The following FDPS variants were observed in gnomAD, a reference collection of about 807,000 sequenced individuals.
The protein encoded by FDPS is farnesyl diphosphate synthase, also known as farnesyl pyrophosphate synthase.
In FDPS, 29 loss-of-function variants were observed where a neutral mutation model predicts 49.5. That is an observed-to-expected ratio of 0.59 (90% CI 0.44 to 0.80). FDPS has a LOEUF of 0.80. FDPS is among the 30% of genes least tolerant of loss of function. The pLI, the probability that FDPS is intolerant of heterozygous loss-of-function variation, is 0.00. For missense variants in FDPS, 414 were observed against 525.6 expected (o/e 0.79, Z 2.08); for synonymous variants, 172 against 206.4 (o/e 0.83, Z 1.43).
chr1:155,318,779 A>G lies in FDPS; in HGVS notation c.773+26A>G. ...GTGAGGGGAGGTGAGGGACAGCGCG[A>G]ACCATGTCTGGACAGCGAGGGAGGG... On this transcript the variant is annotated intron_variant, in intron 7 of 10. Transcript: ENST00000368356. This position sits in a 1 kb window ranked among gnomAD's most constrained non-coding sequence, Gnocchi z 4.2. The G allele has an allele frequency of 6.2e-7, 1 of 1,600,010 alleles. No individual in the cohort carries two copies. The highest frequency in any genetic ancestry group is 8.6e-7 in the Non-Finnish European group (1 of 1,167,292).
chr1:155,311,442 C>T (rs1189674105), intron 3 of FDPS, among the ~76,000 whole-genome samples: 2 of 152,086 alleles, frequency 1.3e-5, no homozygotes, highest in East Asian at 3.9e-4. Flanking sequence ...CAGCGTGGGT[C>T]CCCTGTAAGC....
chr1:155,311,441 TC>T (rs1486997115), intron 3 of FDPS, among the ~76,000 whole-genome samples: 2 of 152,150 alleles, frequency 1.3e-5, no homozygotes, highest in East Asian at 3.9e-4. Flanking sequence ...ACAGCGTGGG[TC>T]CCCTGTAAGC....
chr1:155,309,947 C>A lies in FDPS; in HGVS notation c.158C>A (p.Ala53Glu). Residue 53 changes from alanine to glutamate, a missense_variant, in exon 2 of 11, where the codon GCG (alanine) becomes GAG (glutamate). Ala to Glu is a moderately radical substitution (Grantham distance 107, BLOSUM62 -1). Coordinates refer to ENST00000368356, the MANE Select transcript of FDPS (RefSeq NM_002004.4). The stretch of plus-strand genomic sequence containing the variant: ...CACAGTGCCCGCTGCTGGTGCCAAG[C>A]GTGGACAGAGGAACCTCGGTGAGTG... ...AWHSARCWCQ[A>E]WTEEPRALCS... 6.2e-7 allele frequency: 1 copy of A among 1,606,634 alleles called. No individual in the cohort carries two copies. Among genetic ancestry groups the A allele is most frequent in the South Asian group, 1.1e-5 (1 of 90,714 alleles).
chr1:155,319,544 G>C, intron 8 of FDPS, 67 bp from the exon 9 acceptor site: 1 of 1,544,684 alleles, frequency 6.5e-7, no homozygotes, highest in Non-Finnish European at 8.9e-7. Flanking sequence ...AGACCCCATG[G>C]GAGGAAGCAG....
chr1:155,317,166 G>A (rs1029020238), intron 4 of FDPS: 1 of 152,098 alleles, frequency 6.6e-6, no homozygotes, highest in Non-Finnish European at 1.5e-5. Context: ...TTTAGGTAAG[G>A]CTGTGTTCCT....
rs766056001 is a variant in FDPS, at chr1:155,318,357, G to A, written c.684+66G>A. The A allele has an allele frequency of 1.3e-5, 21 of 1,583,872 alleles. No homozygotes were observed. Among genetic ancestry groups the A allele is most frequent in the Admixed American group, 3.4e-5 (2 of 59,518 alleles). On this transcript the variant is annotated intron_variant, in intron 6 of 10. Coordinates refer to ENST00000368356, the MANE Select transcript of FDPS (RefSeq NM_002004.4). This position sits in a 1 kb window ranked among gnomAD's most constrained non-coding sequence, Gnocchi z 4.2. ...GGTAGCCTTGGCCTCTATAGGACAT[G>A]CTCATCTAGCTGGTTTCAGGGTACA... is the stretch of plus-strand genomic sequence containing the variant.
intron 8 of FDPS, 31 bp from the exon 9 acceptor site, chr1:155,319,580 G>A: frequency 6.2e-7 from 1 of 1,612,740 alleles, no homozygotes; most frequent in Non-Finnish European, 8.5e-7. Context: ...CACCCCTGGG[G>A]TTTGGCTTAT....
Position 155,318,490 on chromosome 1 carries a change from G to A in FDPS, c.685-175G>A, listed in dbSNP as rs924941531. 7 of 812,282 alleles carry A rather than the reference G, an allele frequency of 8.6e-6. No homozygotes were observed. Among genetic ancestry groups the A allele is most frequent in the African/African-American group, 5.2e-5 (3 of 57,606 alleles). 50.3% of individuals were successfully genotyped at this position (812,282 alleles called of 1,614,324 possible). On this transcript the variant is annotated intron_variant, in intron 6 of 10. Coordinates refer to ENST00000368356, the MANE Select transcript of FDPS (RefSeq NM_002004.4). The surrounding 1 kb of genome is among the most constrained non-coding windows in gnomAD (Gnocchi z 4.2). Reference sequence around the variant, plus strand: ...TCTGTCCTGTGTAATTGGAAGAAAGGGTGATAAAGGACTGTGTGTATGAAT... The same window carrying A: ...TCTGTCCTGTGTAATTGGAAGAAAGAGTGATAAAGGACTGTGTGTATGAAT...
intron 3 of FDPS, 103 bp downstream of exon 3, chr1:155,310,308 G>A (rs1648659744): frequency 1.0e-5 from 9 of 897,292 alleles, no homozygotes; most frequent in South Asian, 9.8e-5. Context: ...AGATGTGAGA[G>A]AAAGCTTTTT....
At chr1:155,319,511 A>T (rs1649986931) in intron 8 of FDPS, 100 bp from the exon 9 acceptor site, 1 of 1,202,728 alleles carries the variant, frequency 8.3e-7, no homozygotes, top group Admixed American at 1.9e-5. Flanking sequence ...GAGAGAGGAA[A>T]GATTTGGGGC....
At chr1:155,319,116 G>A (rs1310044146) in intron 8 of FDPS, among the ~76,000 whole-genome samples, 188 bp downstream of exon 8, 1 of 152,192 alleles carries the variant, frequency 6.6e-6, no homozygotes, top group Non-Finnish European at 1.5e-5. Flanking sequence ...TAAAGATTAA[G>A]CAAGGCAAGG....
intron 1 of FDPS, 163 bp from the exon 2 acceptor site, chr1:155,309,626 C>A: frequency 1.7e-6 from 1 of 587,236 alleles, no homozygotes; most frequent in South Asian, 3.1e-5. Context: ...TTGTTCCCTG[C>A]GTATCCTTCC....
chr1:155,320,284 T>C lies in FDPS; in HGVS notation c.1060-125T>C, dbSNP rs1650187653. The stretch of plus-strand genomic sequence containing the variant: ...TTAGCTACGTAGAGACACTTGAAAA[T>C]TGGAGGGAGGAAAGGAGTGGGTGGC... On this transcript the variant is annotated intron_variant, in intron 10 of 10. Coordinates refer to ENST00000368356, the MANE Select transcript of FDPS (RefSeq NM_002004.4). 4 of 804,608 alleles carry C rather than the reference T, an allele frequency of 5.0e-6. No homozygotes were observed. The Admixed American group carries it at 7.2e-5, about 15-fold the overall frequency. 49.8% of individuals were successfully genotyped at this position (804,608 alleles called of 1,614,324 possible). A position where few individuals can be genotyped will look rare whatever the true frequency, so the allele number is the denominator to read the frequency against.
chr1:155,317,697 T>A (rs1324037822), intron 4 of FDPS: 6 of 339,470 alleles, frequency 1.8e-5, no homozygotes, highest in South Asian at 1.2e-4. Flanking sequence ...AAAAAAAAAA[T>A]AGCCAGGCAT....
rs775764683 is a variant in FDPS at position 155,310,071 on chromosome 1, G to A, written c.205G>A (p.Gly69Arg). Residue 69 changes from glycine (G) to arginine (R), a missense_variant, in exon 3 of 11, where the codon GGA becomes AGA. Transcript: ENST00000368356. ...CCTTTGCTCCTCCCTCAGAATGAAC[G>A]GAGACCAGAATTCAGATGTTTATGC... is the stretch of plus-strand genomic sequence containing the variant. ...RALCSSLRMN[G>R]DQNSDVYAQE... 9.9e-6 allele frequency: 16 copies of A among 1,613,720 alleles called. No individual in the cohort carries two copies. The East Asian group carries it at 2.2e-4, about 22-fold the overall frequency.
chr1:155,314,346 T>G (rs1049298814), intron 4 of FDPS, among the ~76,000 whole-genome samples: 3 of 150,818 alleles, frequency 2.0e-5, no homozygotes, highest in African/African-American at 7.3e-5. Flanking sequence ...GAGCCTCTAC[T>G]TGGCTTTTTT....
Position 155,319,960 on chromosome 1 carries a change from T to C in FDPS, c.1059+32T>C, listed in dbSNP as rs760369267. The stretch of plus-strand genomic sequence containing the variant: ...GAGAGAGGGTGGTGGGTCCCTGAGT[T>C]GGTGGAAAGGGATAGAGCAGTGGTT... On this transcript the variant is annotated intron_variant, in intron 10 of 10. Transcript: ENST00000368356. 14 of 1,610,940 alleles carry C rather than the reference T, an allele frequency of 8.7e-6. No homozygotes were observed. The Admixed American group carries it at 1.2e-4, about 13-fold the overall frequency.
Position 155,312,413 on chromosome 1 carries a change from A to C in FDPS, c.480+18A>C. The C allele has an allele frequency of 4.0e-6, 6 of 1,503,796 alleles. No individual in the cohort carries two copies. Among genetic ancestry groups the C allele is most frequent in the African/African-American group, 2.8e-5 (2 of 71,558 alleles). 93.2% of individuals were successfully genotyped at this position (1,503,796 alleles called of 1,614,324 possible). On this transcript the variant is annotated intron_variant, in intron 4 of 10. Coordinates refer to ENST00000368356, the MANE Select transcript of FDPS (RefSeq NM_002004.4). ...TGGAACTGGTGAGAGGGGTAGGGCA[A>C]GGGAGAAGAAGTTTCCTGCAATGGT...
At chr1:155,312,627 G>A in intron 4 of FDPS, 1 of 483,030 alleles carries the variant, frequency 2.1e-6, no homozygotes. Flanking sequence ...TGTGGACTGG[G>A]GCCTCGAGAC....
Sources: gnomAD v4.1 joint callset for allele counts (sites outside exome capture counted in the v4.1 genomes callset) on GRCh38, gnomAD v4.1.1 for gene constraint, Gnocchi (gnomAD v3.1) non-coding constraint, MANE v1.5 for transcripts, NCBI Gene and HGNC (gene_info 2026-07-23, HGNC 2026-07-21) for gene names.